The following MSR1 variants were observed in gnomAD, a reference collection of about 807,000 sequenced individuals.
MSR1 encodes macrophage scavenger receptor types I and II.
MSR1 carries 53 observed loss-of-function variants against 47.2 expected under a neutral mutation model. The ratio of observed to expected loss-of-function variants is 1.12; its 90% confidence interval spans 0.90 to 1.41. The LOEUF is 1.41. Among genes scored for constraint, MSR1 ranks in the 40% most tolerant of loss-of-function variants. The pLI is 0.00. For missense variants in MSR1, 786 were observed against 546.9 expected (o/e 1.44, Z -4.36); for synonymous variants, 239 against 185.6 (o/e 1.29, Z -2.34).
At chr8:16,157,725 T>A (rs1295361199) in intron 5 of MSR1, among the ~76,000 whole-genome samples, 1 of 151,908 alleles carries the variant, frequency 6.6e-6, no homozygotes, top group Non-Finnish European at 1.5e-5. Flanking sequence ...TCCACTACCT[T>A]GCCACCTTCC....
chr8:16,156,866 T>C (rs1342050354), intron 5 of MSR1, among the ~76,000 whole-genome samples: 1 of 151,954 alleles, frequency 6.6e-6, no homozygotes, highest in African/African-American at 2.4e-5. Flanking sequence ...AATCTCTATG[T>C]GCCCCCTATT....
At chr8:16,138,235 C>G (rs984712817) in intron 8 of MSR1, among the ~76,000 whole-genome samples, 2 of 152,104 alleles carry the variant, frequency 1.3e-5, no homozygotes, top group South Asian at 2.1e-4. Context: ...TACTACCAAA[C>G]CACATATTGG....
At chr8:16,123,834 T>C (rs761517840) in intron 8 of MSR1, among the ~76,000 whole-genome samples, 4 of 152,164 alleles carry the variant, frequency 2.6e-5, no homozygotes, top group South Asian at 2.1e-4. Context: ...TAGTTAGGTA[T>C]CTGCAATAGC....
rs1801234489 is a variant in MSR1 at position 16,164,059 on chromosome 8, T to G, written c.817+6A>C. On this transcript the variant is annotated splice_donor_region_variant and intron_variant, in intron 5 of 9. Coordinates refer to ENST00000262101, the MANE Select transcript of MSR1 (RefSeq NM_138715.3). ...CATTTTCTGGAGAAATGACAAGACA[T>G]TTTACCTTGAATTAAAGTGATATTT... 1 of 1,601,626 alleles carries G rather than the reference T, an allele frequency of 6.2e-7. No homozygotes were observed. The highest frequency in any genetic ancestry group is 8.5e-7 in the Non-Finnish European group (1 of 1,171,516).
At chr8:16,188,174 T>A (rs1802057670) in intron 1 of MSR1, among the ~76,000 whole-genome samples, 1 of 152,150 alleles carries the variant, frequency 6.6e-6, no homozygotes. Context: ...TATCAGCATT[T>A]TATCAAGTGG....
Position 16,175,237 on chromosome 8 carries a change from A to G in MSR1, c.167T>C (p.Leu56Pro). The change falls in exon 3 of 10, where the codon CTT becomes CCT. Residue 56 changes from leucine to proline, a missense_variant. Transcript: ENST00000262101. ...GAGAACTGCAAACACGAGGAGGTAA[A>G]GGGCAATCAGTGCAGCTTTGAAGGA... ...LKSFKAALIA[L>P]YLLVFAVLIP... The G allele has an allele frequency of 6.2e-7, 1 of 1,614,134 alleles. No homozygotes were observed. Among genetic ancestry groups the G allele is most frequent in the Non-Finnish European group, 8.5e-7 (1 of 1,180,008 alleles).
chr8:16,145,717 A>G (rs1268730578), intron 7 of MSR1, among the ~76,000 whole-genome samples: 1 of 152,164 alleles, frequency 6.6e-6, no homozygotes, highest in East Asian at 1.9e-4. Flanking sequence ...CCTTATAAAA[A>G]AACAAACAAA....
chr8:16,188,680 G>T (rs528366795), intron 1 of MSR1, among the ~76,000 whole-genome samples: 27 of 151,920 alleles, frequency 1.8e-4, no homozygotes, highest in South Asian at 8.3e-4. Flanking sequence ...CCTACTGACA[G>T]GCCCCGGTGT....
chr8:16,183,387 C>G (rs614439), intron 1 of MSR1, among the ~76,000 whole-genome samples: 33,080 of 151,292 alleles, frequency 0.22, 4,742 homozygotes, highest in East Asian at 0.53. Flanking sequence ...TATGTCACTA[C>G]AGCCTAAAGC....
At chr8:16,170,928 G>C (rs142628729) in intron 3 of MSR1, among the ~76,000 whole-genome samples, 61 of 152,258 alleles carry the variant, frequency 4.0e-4, no homozygotes, top group African/African-American at 1.4e-3. Context: ...AAAGTGCCTT[G>C]TACATGAGAG....
In MSR1 at chr8:16,110,212, C is replaced by G. The variant is rs575983341; in HGVS notation, c.1229G>C (p.Gly410Ala). Residue 410 changes from glycine (G) to alanine (A), a missense_variant, in exon 10 of 10, where the codon GGT becomes GCT. Physicochemically the swap from Gly to Ala is moderately conservative, Grantham distance 60 (BLOSUM62 0). Coordinates refer to ENST00000262101, the MANE Select transcript of MSR1 (RefSeq NM_138715.3). ...AAACACTTCATTCAGCCATATTGGACCAGTACCTGCAATAATGAGGTATAA... is the reference window on the plus strand; with the variant it reads ...AAACACTTCATTCAGCCATATTGGAGCAGTACCTGCAATAATGAGGTATAA... ...HKAAHFGQGT[G>A]PIWLNEVFCF... is the part of the protein sequence containing the mutation. 2 of 1,613,252 alleles carry G rather than the reference C, an allele frequency of 1.2e-6. No individual in the cohort carries two copies. The highest frequency in any genetic ancestry group is 1.7e-6 in the Non-Finnish European group (2 of 1,179,550).
At chr8:16,179,960 A>G (rs1191870185) in intron 1 of MSR1, among the ~76,000 whole-genome samples, 1 of 149,372 alleles carries the variant, frequency 6.7e-6, no homozygotes, top group Admixed American at 6.7e-5. Flanking sequence ...TCTGTTTCCC[A>G]GGCTGGAGTG....
In MSR1 at chr8:16,108,935, A is replaced by C. The variant is rs918140454; in HGVS notation, c.*1150T>G. On this transcript the variant is annotated 3_prime_UTR_variant, in exon 10 of 10. Coordinates refer to ENST00000262101, the MANE Select transcript of MSR1 (RefSeq NM_138715.3). ...ACTTTTTTTGTGAATTAGTCATAGG[A>C]AACTTCAGAATTCTGTTATTTTCAG... 6.6e-6 allele frequency: 1 copy of C among 152,048 alleles called. No homozygotes were observed. The highest frequency in any genetic ancestry group is 1.5e-5 in the Non-Finnish European group (1 of 67,996). 9.4% of individuals were successfully genotyped at this position (152,048 alleles called of 1,614,324 possible). A position where few individuals can be genotyped will look rare whatever the true frequency, so the allele number is the denominator to read the frequency against.
chr8:16,155,006 C>A, intron 6 of MSR1, 58 bp downstream of exon 6: 1 of 1,406,044 alleles, frequency 7.1e-7, no homozygotes. Flanking sequence ...TACACATGTA[C>A]CTGGATGTAT....
chr8:16,119,493 C>T (rs895124300), intron 9 of MSR1, among the ~76,000 whole-genome samples: 3 of 152,094 alleles, frequency 2.0e-5, no homozygotes, highest in Admixed American at 2.0e-4. Flanking sequence ...TCCCAAAGTG[C>T]TGGGATTACA....
At chr8:16,134,839 A>G (rs190915538) in intron 8 of MSR1, among the ~76,000 whole-genome samples, 15 of 152,336 alleles carry the variant, frequency 9.8e-5, no homozygotes, top group Admixed American at 9.8e-4. Flanking sequence ...CTTATTGCCG[A>G]TATAAAGTTT....
chr8:16,108,897 C>G lies in MSR1; in HGVS notation c.*1188G>C, dbSNP rs1415441716. On this transcript the variant is annotated 3_prime_UTR_variant, in exon 10 of 10. Coordinates refer to ENST00000262101, the MANE Select transcript of MSR1 (RefSeq NM_138715.3). ...ACAGTAGAGTAATTCCATAATAGTA[C>G]TAGTTTACAATTACTTTTTTTGTGA... 6.6e-6 allele frequency: 1 copy of G among 152,056 alleles called. No homozygotes were observed. The highest frequency in any genetic ancestry group is 1.5e-5 in the Non-Finnish European group (1 of 68,000). The allele number at this position is 152,056 out of a possible 1,614,324, so 9.4% of individuals were successfully genotyped here. A position where few individuals can be genotyped will look rare whatever the true frequency, so the allele number is the denominator to read the frequency against.
intron 5 of MSR1, among the ~76,000 whole-genome samples, chr8:16,157,759 CA>C (rs1801051001): frequency 2.0e-5 from 3 of 151,918 alleles, no homozygotes; most frequent in Admixed American, 2.0e-4. Flanking sequence ...TCTCCATTCC[CA>C]TTGTAGCTCA....
intron 5 of MSR1, among the ~76,000 whole-genome samples, chr8:16,160,850 G>C (rs562965526): frequency 6.6e-6 from 1 of 151,848 alleles, no homozygotes; most frequent in Admixed American, 6.6e-5. Context: ...GGATGACAGA[G>C]GGAAGATTGA....
Sources: gnomAD v4.1 joint callset for allele counts (sites outside exome capture counted in the v4.1 genomes callset) on GRCh38, gnomAD v4.1.1 for gene constraint, MANE v1.5 for transcripts, NCBI Gene and HGNC (gene_info 2026-07-23, HGNC 2026-07-21) for gene names.